Variants in PTPN3 observed in about 807,000 individuals in gnomAD.
PTPN3 encodes protein tyrosine phosphatase non-receptor type 3.
A neutral mutation model predicts 132.7 loss-of-function variants in PTPN3; 96 were observed. The ratio of observed to expected loss-of-function variants is 0.72; its 90% CI spans 0.61 to 0.86. The LOEUF is 0.86. Among genes scored for constraint, PTPN3 ranks in the 40% least tolerant of loss-of-function variants. PTPN3 has a pLI of 0.00. For synonymous variants in PTPN3, 398 were observed against 429.0 expected (o/e 0.93, Z 0.89); for missense variants, 1,125 against 1,159.6 (o/e 0.97, Z 0.43).
At chr9:109,383,957 C>T (rs1227879496) in intron 22 of PTPN3, among the ~76,000 whole-genome samples, 1 of 152,128 alleles carries the variant, frequency 6.6e-6, no homozygotes, top group Non-Finnish European at 1.5e-5. Flanking sequence ...ATTCTCCCCA[C>T]CCTTTTGAGG....
chr9:109,389,465 T>A, intron 21 of PTPN3, 86 bp from the exon 22 acceptor site: 1 of 1,341,184 alleles, frequency 7.5e-7, no homozygotes. Flanking sequence ...TACTTGCTAA[T>A]TGATATTGCA....
chr9:109,456,044 C>G (rs530350912), intron 4 of PTPN3, among the ~76,000 whole-genome samples: 1 of 152,216 alleles, frequency 6.6e-6, no homozygotes, highest in African/African-American at 2.4e-5. Context: ...GGATGCAGCT[C>G]ATGGGAGGGA....
chr9:109,535,663 T>C, the PTPN3 span, among the ~76,000 whole-genome samples: 6 of 152,038 alleles, frequency 3.9e-5, no homozygotes, highest in Non-Finnish European at 8.8e-5. Flanking sequence ...CGTGCCACCA[T>C]GCCCAGCTAA....
At chr9:109,527,172 A>G in the PTPN3 span, among the ~76,000 whole-genome samples, 1 of 152,244 alleles carries the variant, frequency 6.6e-6, no homozygotes, top group East Asian at 1.9e-4. Flanking sequence ...TAAAATGAAT[A>G]ACTTCTGGCT....
chr9:109,382,275 A>T lies in PTPN3; in HGVS notation c.2528+27T>A, dbSNP rs756681900. ...CTTTTCCGACAGGGAAAGGATTCCA[A>T]ACCTAACAAAACAGCAAGCGCCATA... On this transcript the variant is annotated intron_variant, in intron 24 of 25. Transcript: ENST00000374541. 3.1e-6 allele frequency: 5 copies of T among 1,610,802 alleles called. No individual in the cohort carries two copies. In the South Asian group the frequency reaches 3.3e-5, roughly 11 times the overall value.
chr9:109,531,510 AC>A, the PTPN3 span, among the ~76,000 whole-genome samples: 1 of 152,190 alleles, frequency 6.6e-6, no homozygotes, highest in South Asian at 2.1e-4. Flanking sequence ...ACTCGCTGCC[AC>A]TATTAGCTGG....
At chr9:109,519,143 T>C in the PTPN3 span, among the ~76,000 whole-genome samples, 1 of 152,194 alleles carries the variant, frequency 6.6e-6, no homozygotes, top group East Asian at 1.9e-4. Flanking sequence ...TATCAGGGCA[T>C]CAGAAAATGT....
At chr9:109,528,679 G>A in the PTPN3 span, among the ~76,000 whole-genome samples, 8 of 151,766 alleles carry the variant, frequency 5.3e-5, no homozygotes, top group Non-Finnish European at 4.4e-5. Context: ...ACTGAGCTGC[G>A]CTGTTCATGT....
chr9:109,385,854 G>A (rs1839538624), intron 22 of PTPN3, among the ~76,000 whole-genome samples: 1 of 152,068 alleles, frequency 6.6e-6, no homozygotes, highest in Admixed American at 6.5e-5. Flanking sequence ...GCCTGAGTGG[G>A]GCCTGTTTCT....
chr9:109,398,548 C>T (rs1206919983), intron 19 of PTPN3, among the ~76,000 whole-genome samples: 1 of 152,100 alleles, frequency 6.6e-6, no homozygotes, highest in Non-Finnish European at 1.5e-5. Context: ...AGTGGAGGGG[C>T]CGGGTATCTG....
chr9:109,392,021 A>G (rs972016831), intron 19 of PTPN3, among the ~76,000 whole-genome samples: 1 of 152,140 alleles, frequency 6.6e-6, no homozygotes, highest in Non-Finnish European at 1.5e-5. Flanking sequence ...CTATTTCCAC[A>G]GGAAAAACAT....
the PTPN3 span, among the ~76,000 whole-genome samples, chr9:109,514,566 G>A: frequency 6.6e-6 from 1 of 152,186 alleles, no homozygotes. Flanking sequence ...ATTGTATGGA[G>A]GAGAAGCAAA....
chr9:109,389,427 G>A (rs1245501967), intron 21 of PTPN3, 48 bp from the exon 22 acceptor site: 2 of 1,559,772 alleles, frequency 1.3e-6, no homozygotes, highest in Non-Finnish European at 1.7e-6. Flanking sequence ...GCCCCAGGGT[G>A]CACAGGGAAC....
chr9:109,433,061 G>C lies in PTPN3; in HGVS notation c.764+12C>G. 1 of 1,613,808 alleles carries C rather than the reference G, an allele frequency of 6.2e-7. No individual in the cohort carries two copies. The highest frequency in any genetic ancestry group is 8.5e-7 in the Non-Finnish European group (1 of 1,179,854). The stretch of plus-strand genomic sequence containing the variant: ...CATGATTCAGAAAATAATGAGAACT[G>C]TTTGCACTTACCAAGGATAGAAACT... On this transcript the variant is annotated intron_variant, in intron 10 of 25. Coordinates refer to ENST00000374541, the MANE Select transcript of PTPN3 (RefSeq NM_002829.4).
chr9:109,480,763 C>T (rs759310457), intron 1 of PTPN3, among the ~76,000 whole-genome samples: 7 of 152,134 alleles, frequency 4.6e-5, no homozygotes, highest in East Asian at 3.9e-4. Context: ...TTCACCAGCA[C>T]GATCTTCTGG....
Position 109,383,517 on chromosome 9 carries a change from T to C in PTPN3, c.2288A>G (p.Asp763Gly). The change falls in exon 23 of 26, where the codon GAC (aspartate) becomes GGC (glycine). Residue 763 changes from aspartate to glycine, a missense_variant. Coordinates refer to ENST00000374541, the MANE Select transcript of PTPN3 (RefSeq NM_002829.4). ...GTGAAAGCCGCCGTGGTTCATGACGTCGGGGGGATCTGGCCAGTACTGGTG... is the reference window on the plus strand; with the variant it reads ...GTGAAAGCCGCCGTGGTTCATGACGCCGGGGGGATCTGGCCAGTACTGGTG... Reference protein sequence around the residue: ...KCHQYWPDPPDVMNHGGFHIQ... With the variant: ...KCHQYWPDPPGVMNHGGFHIQ... 1 of 1,613,744 alleles carries C rather than the reference T, an allele frequency of 6.2e-7. No individual in the cohort carries two copies. The highest frequency in any genetic ancestry group is 1.1e-5 in the South Asian group (1 of 91,044).
At chr9:109,415,848 C>T (rs1842447640) in intron 14 of PTPN3, among the ~76,000 whole-genome samples, 1 of 152,150 alleles carries the variant, frequency 6.6e-6, no homozygotes, top group African/African-American at 2.4e-5. Flanking sequence ...CAGCCATGGG[C>T]TGGACACCAA....
Position 109,410,005 on chromosome 9 carries a change from A to G in PTPN3, c.1572T>C (p.Asn524=). 1 of 1,614,174 alleles carries G rather than the reference A, an allele frequency of 6.2e-7. No homozygotes were observed. The highest frequency in any genetic ancestry group is 8.5e-7 in the Non-Finnish European group (1 of 1,180,010). ...TPDEDGKFGF[N]LKGGVDQKMP... ...TTATAAATACACAACATACCTTAAG[A>G]TTAAATCCAAATTTTCCATCTTCAT... Residue 524 remains asparagine (N), a synonymous_variant, in exon 16 of 26, where the codon AAT becomes AAC. Coordinates refer to ENST00000374541, the MANE Select transcript of PTPN3 (RefSeq NM_002829.4).
the PTPN3 span, among the ~76,000 whole-genome samples, chr9:109,523,490 G>A: frequency 1.8e-4 from 23 of 127,884 alleles, no homozygotes; most frequent in East Asian, 3.2e-3. Flanking sequence ...CTTTTCTTTC[G>A]TCTTCAGAGT....
Sources: allele counts gnomAD v4.1 joint callset (sites outside exome capture counted in the v4.1 genomes callset), GRCh38; gene constraint gnomAD v4.1.1; transcripts MANE v1.5; gene names NCBI Gene and HGNC (gene_info 2026-07-23, HGNC 2026-07-21).